ARHGEF3: variants seen among roughly 807,000 people sequenced by gnomAD.
The protein encoded by ARHGEF3 is Rho guanine nucleotide exchange factor 3, also known as 59.8 kDA protein.
A neutral mutation model predicts 63.2 loss-of-function variants in ARHGEF3; 28 were observed. The observed-to-expected ratio is 0.44, with a 90% CI of 0.33 to 0.61. The LOEUF is 0.61. Among genes scored for constraint, ARHGEF3 ranks in the 20% least tolerant of loss-of-function variants. The pLI, the probability that ARHGEF3 is intolerant of heterozygous loss-of-function variation, is 0.03. For synonymous variants in ARHGEF3, 266 were observed against 254.2 expected (o/e 1.05, Z -0.44); for missense variants, 533 against 659.3 (o/e 0.81, Z 2.10).
intron 4 of ARHGEF3, among the ~76,000 whole-genome samples, chr3:56,810,487 A>G (rs988835003): frequency 6.6e-5 from 10 of 152,260 alleles, no homozygotes; most frequent in Non-Finnish European, 1.3e-4. Context: ...AGACTATACC[A>G]CTGCACTCCG....
chr3:56,802,057 G>T, upstream of ARHGEF3: 1 of 1,316,780 alleles, frequency 7.6e-7, no homozygotes, highest in Non-Finnish European at 9.8e-7. Flanking sequence ...GGGCCCACGT[G>T]CCGCAGCGCG....
chr3:56,943,092 A>C (rs1045022194), intron 3 of ARHGEF3, among the ~76,000 whole-genome samples: 1 of 152,250 alleles, frequency 6.6e-6, no homozygotes, highest in African/African-American at 2.4e-5. Flanking sequence ...TCTGGCTATG[A>C]TAATCGACAA....
intron 3 of ARHGEF3, chr3:56,916,456 G>A (rs890350176): frequency 1.5e-5 from 22 of 1,421,132 alleles, no homozygotes; most frequent in Middle Eastern, 1.8e-4. Context: ...ACTCCTCCCC[G>A]CCACTTGGGC....
intron 7 of ARHGEF3, among the ~76,000 whole-genome samples, chr3:56,739,602 G>A (rs1281768431): frequency 6.6e-6 from 1 of 151,888 alleles, no homozygotes; most frequent in Non-Finnish European, 1.5e-5. Context: ...TTTTTGCTCT[G>A]TTGCCTAGGC....
intron 1 of ARHGEF3, among the ~76,000 whole-genome samples, chr3:57,044,323 G>C (rs1367511069): frequency 6.6e-6 from 1 of 152,238 alleles, no homozygotes; most frequent in Non-Finnish European, 1.5e-5. Flanking sequence ...GTCCACTTGG[G>C]GGGGTTGGCC....
intron 2 of ARHGEF3, among the ~76,000 whole-genome samples, chr3:57,010,677 TCA>T (rs1404081123): frequency 1.3e-5 from 2 of 152,148 alleles, no homozygotes; most frequent in Admixed American, 1.3e-4. Context: ...ACTCCACTGT[TCA>T]CAGTCAAAGT....
Position 56,801,869 on chromosome 3 carries a change from G to A in ARHGEF3, c.-71C>T, listed in dbSNP as rs1269739648. On this transcript the variant is annotated 5_prime_UTR_variant, in exon 1 of 10. Transcript: ENST00000296315. ...GCGACTACAAAACTCCCAGGCAAAAGGGGGCCCCAGCTCCACGATGCCGGG... is the reference window on the plus strand; with the variant it reads ...GCGACTACAAAACTCCCAGGCAAAAAGGGGCCCCAGCTCCACGATGCCGGG... 5 of 1,550,606 alleles carry A rather than the reference G, an allele frequency of 3.2e-6. No homozygotes were observed. Among genetic ancestry groups the A allele is most frequent in the Non-Finnish European group, 4.4e-6 (5 of 1,146,860 alleles).
intron 3 of ARHGEF3, among the ~76,000 whole-genome samples, chr3:56,909,373 T>C (rs1220542458): frequency 1.3e-5 from 2 of 152,204 alleles, no homozygotes; most frequent in Admixed American, 6.5e-5. Flanking sequence ...CATGGAAATA[T>C]ACACATAAGG....
chr3:56,999,314 G>A (rs914562504), intron 2 of ARHGEF3, among the ~76,000 whole-genome samples: 2 of 152,102 alleles, frequency 1.3e-5, no homozygotes, highest in Non-Finnish European at 2.9e-5. Flanking sequence ...GCCTCCCAAA[G>A]TTCTGAGATT....
intron 7 of ARHGEF3, among the ~76,000 whole-genome samples, chr3:56,743,365 T>G (rs776303181): frequency 1.3e-5 from 2 of 152,172 alleles, no homozygotes; most frequent in African/African-American, 2.4e-5. Flanking sequence ...CTCAAAGTAG[T>G]GGGCAGGCTT....
At chr3:56,897,401 G>A (rs905904085) in intron 3 of ARHGEF3, among the ~76,000 whole-genome samples, 5 of 152,146 alleles carry the variant, frequency 3.3e-5, no homozygotes, top group African/African-American at 1.2e-4. Context: ...CCCTTTAGTG[G>A]AGGAGTATTT....
chr3:56,961,161 T>A (rs556714326), intron 2 of ARHGEF3, among the ~76,000 whole-genome samples: 2 of 151,378 alleles, frequency 1.3e-5, no homozygotes, highest in African/African-American at 4.8e-5. Flanking sequence ...TGTAAATACA[T>A]GACATACAGA....
At chr3:57,070,470 G>C (rs141667906) in intron 1 of ARHGEF3, among the ~76,000 whole-genome samples, 1 of 152,272 alleles carries the variant, frequency 6.6e-6, no homozygotes, top group East Asian at 1.9e-4. Context: ...CAATGACTAG[G>C]GAAGCTGAGT....
chr3:56,938,527 T>C (rs1388601010), intron 3 of ARHGEF3: 2 of 152,188 alleles, frequency 1.3e-5, no homozygotes, highest in Non-Finnish European at 1.5e-5. Context: ...AGATACCTAA[T>C]ATTCATGAGG....
At position 56,967,420 on chromosome 3, in the gene ARHGEF3, A is replaced by AT. The variant is rs1700574888; in HGVS notation, c.63-8532dup. ...TTATATAATATATTATATATTATAC[A>AT]TATTATATATTATATAATATATTAT... On this transcript the variant is annotated intron_variant, in intron 2 of 12. Coordinates refer to the ARHGEF3 transcript ENST00000338458. Among the ~76,000 whole-genome samples, 2 of 75,244 alleles carry AT rather than the reference A, an allele frequency of 2.7e-5. 1 individual carries two copies. Among genetic ancestry groups the AT allele is most frequent in the East Asian group, 9.2e-4 (2 of 2,166 alleles). The allele number at this position is 75,244 out of a possible 152,430, so 49.4% of individuals were successfully genotyped here. A position where few individuals can be genotyped will look rare whatever the true frequency, so the allele number is the denominator to read the frequency against.
At chr3:56,990,519 G>C (rs1701708794) in intron 2 of ARHGEF3, among the ~76,000 whole-genome samples, 1 of 152,210 alleles carries the variant, frequency 6.6e-6, no homozygotes, top group Non-Finnish European at 1.5e-5. Context: ...CCGGGAGGCA[G>C]AGGTTGCAGT....
At chr3:57,028,483 A>C (rs1703570255) in intron 2 of ARHGEF3, among the ~76,000 whole-genome samples, 1 of 102,724 alleles carries the variant, frequency 9.7e-6, no homozygotes, top group Non-Finnish European at 2.0e-5. Context: ...ATAGGTGGGA[A>C]TTGAACAATG....
intron 4 of ARHGEF3, among the ~76,000 whole-genome samples, chr3:56,859,856 T>C (rs2040010041): frequency 6.6e-6 from 1 of 151,940 alleles, no homozygotes; most frequent in Non-Finnish European, 1.5e-5. Context: ...ACACTTCTGA[T>C]TAAGAAAACT....
At chr3:56,784,999 A>C (rs969456547) in intron 1 of ARHGEF3, among the ~76,000 whole-genome samples, 2 of 152,076 alleles carry the variant, frequency 1.3e-5, no homozygotes, top group African/African-American at 4.8e-5. Flanking sequence ...TAAATATCAG[A>C]GTATTGTCCT....
Sources: allele counts gnomAD v4.1 joint callset (sites outside exome capture counted in the v4.1 genomes callset), GRCh38; gene constraint gnomAD v4.1.1; transcripts MANE v1.5; gene names NCBI Gene and HGNC (gene_info 2026-07-23, HGNC 2026-07-21).